MYO7B: variants seen among roughly 807,000 people sequenced by gnomAD.
MYO7B encodes myosin VIIB.
Under a neutral mutation model 259.7 loss-of-function variants are expected in MYO7B, and 212 were observed. The ratio of observed to expected loss-of-function variants is 0.82; its 90% CI spans 0.73 to 0.91. The LOEUF (loss-of-function observed/expected upper bound fraction) is 0.91. Ranked by LOEUF, MYO7B falls within the 40% of genes least tolerant of loss-of-function variation. The pLI is 0.00. For missense variants in MYO7B, 2,732 were observed against 2,813.5 expected (o/e 0.97, Z 0.66); for synonymous variants, 1,197 against 1,166.4 (o/e 1.03, Z -0.54).
intron 1 of MYO7B, among the ~76,000 whole-genome samples, chr2:127,551,885 C>T (rs951649902): frequency 6.6e-6 from 1 of 152,028 alleles, no homozygotes; most frequent in Non-Finnish European, 1.5e-5. Context: ...CTGACTGGGG[C>T]CTAAAGAAGG....
At chr2:127,571,442 G>GTTTTTTTTGTTTTT (rs1678603268) in intron 6 of MYO7B, among the ~76,000 whole-genome samples, 1 of 41,984 alleles carries the variant, frequency 2.4e-5, no homozygotes, top group Admixed American at 3.4e-4. Context: ...TTACCAGTGA[G>GTTTTTTTTGTTTTT]TTTTTTTTTT....
At position 127,577,869 on chromosome 2, in the gene MYO7B, T is replaced by TAGGG. The variant is rs1678937816; in HGVS notation, c.850-262_850-259dup. The stretch of plus-strand genomic sequence containing the variant: ...CCCAGAGAGACAAGGCAAGCTCGAG[T>TAGGG]AGGGACGAACGACAAATAGAGGATC... On this transcript the variant is annotated intron_variant, in intron 8 of 47. Coordinates refer to ENST00000409816, the MANE Select transcript of MYO7B (RefSeq NM_001393586.1). The surrounding 1 kb of genome is among the most constrained non-coding windows in gnomAD (Gnocchi z 5.2). Among the ~76,000 whole-genome samples the TAGGG allele has an allele frequency of 6.6e-6, 1 of 151,832 alleles. No individual in the cohort carries two copies. Among genetic ancestry groups the TAGGG allele is most frequent in the Non-Finnish European group, 1.5e-5 (1 of 67,934 alleles).
In MYO7B at chr2:127,568,624, C is replaced by T. The variant is rs116403993; in HGVS notation, c.471-1165C>T. Among the ~76,000 whole-genome samples the T allele has an allele frequency of 5.3e-3, 807 of 152,260 alleles. 9 individuals carry two copies. The highest frequency in any genetic ancestry group is 0.018 in the African/African-American group (743 of 41,552). ...AAAAAGGTAATATTTTGGCCGGGTG[C>T]GGTAGCTCACGCTTGTAATCCCAGC... On this transcript the variant is annotated intron_variant, in intron 5 of 47. Transcript: ENST00000409816.
chr2:127,582,313 G>A lies in MYO7B; in HGVS notation c.1210G>A (p.Gly404Arg). Reference protein sequence around the residue: ...RRDAFVKGIYGHLFLWIVKKI... With the variant: ...RRDAFVKGIYRHLFLWIVKKI... ...CCCCGTGTCTCTCCAGGGCATCTAT[G>A]GGCACCTCTTCCTGTGGATTGTCAA... The change falls in exon 12 of 48, where the codon GGG (glycine) becomes AGG (arginine). Residue 404 changes from glycine to arginine, a missense_variant. Gly to Arg is a moderately radical substitution (Grantham distance 125). Transcript: ENST00000409816. 1 of 1,612,996 alleles carries A rather than the reference G, an allele frequency of 6.2e-7. No individual in the cohort carries two copies. The highest frequency in any genetic ancestry group is 8.5e-7 in the Non-Finnish European group (1 of 1,179,582).
intron 47 of MYO7B, 101 bp downstream of exon 47, chr2:127,637,014 T>G (rs757375082): frequency 1.3e-6 from 2 of 1,536,170 alleles, no homozygotes; most frequent in Non-Finnish European, 8.8e-7. Flanking sequence ...CTAAGAGGGC[T>G]CAGTCACAGG....
rs757246735 is a variant in MYO7B at position 127,612,304 on chromosome 2, C to T, written c.3247C>T (p.Arg1083Trp). The T allele has an allele frequency of 2.8e-5, 24 of 849,994 alleles. No individual in the cohort carries two copies. The highest frequency in any genetic ancestry group is 2.0e-4 in the South Asian group (14 of 69,814). The allele number at this position is 849,994 out of a possible 1,614,324, so 52.7% of individuals were successfully genotyped here. A position where few individuals can be genotyped will look rare whatever the true frequency, so the allele number is the denominator to read the frequency against. ...GGATATCTCCTCCATGAAGCTGAAG[C>T]GGTCCTCCCGGATCACAGGCCAGGT... ...TKDISSMKLK[R>W]SSRITGQVAS... is the part of the protein sequence containing the mutation. Residue 1083 changes from arginine (R) to tryptophan (W), a missense_variant, in exon 25 of 48, where the codon CGG becomes TGG. Physicochemically the swap from Arg to Trp is moderately radical, Grantham distance 101. Coordinates refer to ENST00000409816, the MANE Select transcript of MYO7B (RefSeq NM_001393586.1).
At chr2:127,616,830 G>A (rs1013095432) in intron 26 of MYO7B, among the ~76,000 whole-genome samples, 1 of 152,186 alleles carries the variant, frequency 6.6e-6, no homozygotes, top group Admixed American at 6.5e-5. Flanking sequence ...ACAGGGGGGT[G>A]CCATTTTGAT....
In MYO7B at chr2:127,546,319, G is replaced by T. The variant is rs923252504; in HGVS notation, c.-24+10488G>T. 2.0e-5 allele frequency among the ~76,000 whole-genome samples: 3 copies of T among 152,220 alleles called. No homozygotes were observed. The highest frequency in any genetic ancestry group is 6.5e-5 in the Admixed American group (1 of 15,284). ...GGGTTGCTGTGGGGCTCAAATGAGA[G>T]AACCTGTGGAAAGTGCCCTGCACAC... On this transcript the variant is annotated intron_variant, in intron 1 of 47. Coordinates refer to ENST00000409816, the MANE Select transcript of MYO7B (RefSeq NM_001393586.1). The surrounding 1 kb of genome is among the most constrained non-coding windows in gnomAD (Gnocchi z 4.2).
At position 127,576,589 on chromosome 2, in the gene MYO7B, TC is replaced by T; in HGVS notation, c.736-3del. 1.1e-6 allele frequency: 1 copy of T among 871,106 alleles called. No individual in the cohort carries two copies. Among genetic ancestry groups the T allele is most frequent in the Middle Eastern group, 2.5e-4 (1 of 4,068 alleles). The allele number at this position is 871,106 out of a possible 1,614,324, so 54.0% of individuals were successfully genotyped here. ...ATCTGTCTGGAATGCCCTCCCTCCC[TC>T]CCAGGCTCCCGAGGAGCGGAACTAC... is the stretch of plus-strand genomic sequence containing the variant. On this transcript the variant is annotated splice_region_variant and splice_polypyrimidine_tract_variant and intron_variant, in intron 7 of 47. Transcript: ENST00000409816. The surrounding 1 kb of genome is among the most constrained non-coding windows in gnomAD (Gnocchi z 4.9).
intron 5 of MYO7B, among the ~76,000 whole-genome samples, chr2:127,567,217 A>G (rs1358014598): frequency 6.6e-6 from 1 of 152,142 alleles, no homozygotes; most frequent in East Asian, 1.9e-4. Context: ...CAGCCTAGAC[A>G]ACATAGCAAG....
intron 9 of MYO7B, 37 bp downstream of exon 9, chr2:127,578,323 G>C (rs779825619): frequency 6.2e-7 from 1 of 1,611,758 alleles, no homozygotes; most frequent in East Asian, 2.2e-5. Context: ...CCCTTGGGGA[G>C]GGAGAGGGAA....
At chr2:127,626,589 T>C (rs1681129364) in intron 31 of MYO7B, 1 of 176,588 alleles carries the variant, frequency 5.7e-6, no homozygotes, top group Admixed American at 5.8e-5. Flanking sequence ...GAGACCAGCC[T>C]GGCCAAGGTG....
At chr2:127,575,608 T>C (rs72843348) in intron 7 of MYO7B, among the ~76,000 whole-genome samples, 5 of 152,158 alleles carry the variant, frequency 3.3e-5, no homozygotes, top group Admixed American at 6.5e-5. Flanking sequence ...TAACTATTTA[T>C]AGATATACTA....
intron 12 of MYO7B, among the ~76,000 whole-genome samples, chr2:127,583,547 C>T (rs532008596): frequency 4.6e-5 from 7 of 152,178 alleles, no homozygotes; most frequent in Non-Finnish European, 1.0e-4. Flanking sequence ...CTGATGGGAA[C>T]TGGAGAGGAG....
Position 127,633,341 on chromosome 2 carries a change from A to G in MYO7B, c.5489A>G (p.Tyr1830Cys). The G allele has an allele frequency of 1.2e-6, 2 of 1,612,922 alleles. No homozygotes were observed. The highest frequency in any genetic ancestry group is 1.7e-6 in the Non-Finnish European group (2 of 1,179,738). ...GTCTCCCGCATCTGCCACAAGATCT[A>G]CTTCCCCAATGACACCAGTGAGGTG... ...QNVSRICHKI[Y>C]FPNDTSEMLE... The change falls in exon 40 of 48, where the codon TAC (tyrosine) becomes TGC (cysteine). Residue 1830 changes from tyrosine (Y) to cysteine (C), a missense_variant. Physicochemically the swap from Tyr to Cys is radical, Grantham distance 194. Transcript: ENST00000409816.
At chr2:127,624,017 C>T (rs1282719768) in intron 29 of MYO7B, 76 bp from the exon 30 acceptor site, 1 of 1,363,442 alleles carries the variant, frequency 7.3e-7, no homozygotes, top group Non-Finnish European at 1.0e-6. Flanking sequence ...TCTACGTGCA[C>T]ACGCTGACGG....
chr2:127,609,556 C>T lies in MYO7B; in HGVS notation c.2865C>T (p.Val955=). The T allele has an allele frequency of 6.2e-7, 1 of 1,613,890 alleles. No individual in the cohort carries two copies. The highest frequency in any genetic ancestry group is 8.5e-7 in the Non-Finnish European group (1 of 1,179,836). Residue 955 remains valine, a synonymous_variant, in exon 23 of 48, where the codon GTC becomes GTT. Transcript: ENST00000409816. The surrounding 1 kb of genome is among the most constrained non-coding windows in gnomAD (Gnocchi z 6.9). ...TGCTTGAGGTTGACCTGGACACAGTCCCCATGGCGGAGGAGCCTGAGGAGG... is the reference window on the plus strand; with the variant it reads ...TGCTTGAGGTTGACCTGGACACAGTTCCCATGGCGGAGGAGCCTGAGGAGG... ...QKLLEVDLDT[V]PMAEEPEEDV...
At position 127,629,677 on chromosome 2, in the gene MYO7B, G is replaced by C. The variant is rs774335797; in HGVS notation, c.4657G>C (p.Asp1553His). The change falls in exon 35 of 48, where the codon GAC becomes CAC. Residue 1553 changes from aspartate (D) to histidine (H), a missense_variant. By Grantham distance (81) the Asp-to-His change is moderately conservative. Around this residue, in one of 3 missense-constraint regions of MYO7B, gnomAD observed 821 missense variants for 769.3 expected, o/e 1.07. Coordinates refer to ENST00000409816, the MANE Select transcript of MYO7B (RefSeq NM_001393586.1). ...CACCCTCCTGGCCTTCAAGAAGGGG[G>C]ACCTGTTGGTCCTCACAAAGAAGCA... ...DTTLLAFKKG[D>H]LLVLTKKQGL... 1.4e-5 allele frequency: 23 copies of C among 1,612,252 alleles called. No homozygotes were observed. The Admixed American group carries it at 3.5e-4, about 25-fold the overall frequency.
intron 19 of MYO7B, among the ~76,000 whole-genome samples, chr2:127,603,908 T>C (rs1301734924): frequency 2.0e-5 from 3 of 152,190 alleles, no homozygotes; most frequent in African/African-American, 2.4e-5. Context: ...CCAAGGTGGG[T>C]GGATCACAAG....
Sources: allele counts gnomAD v4.1 joint callset (sites outside exome capture counted in the v4.1 genomes callset), GRCh38; gene constraint gnomAD v4.1.1; regional missense constraint gnomAD v4.1.1; non-coding constraint Gnocchi (gnomAD v3.1); transcripts MANE v1.5; gene names NCBI Gene and HGNC (gene_info 2026-07-23, HGNC 2026-07-21).